Variants in ZPBP observed in about 807,000 individuals in gnomAD.
ZPBP encodes zona pellucida binding protein, also known as zona pellucida-binding protein 1.
ZPBP carries 26 observed loss-of-function variants against 44.8 expected under a neutral mutation model. That is an observed-to-expected ratio of 0.58 (90% CI 0.43 to 0.81). The LOEUF (loss-of-function observed/expected upper bound fraction) is 0.81. Ranked by LOEUF, ZPBP falls within the 30% of genes least tolerant of loss-of-function variation. The pLI is 0.00. For missense variants in ZPBP, 409 were observed against 434.0 expected, an observed-to-expected ratio of 0.94 and a Z score of 0.51; for synonymous variants, 174 against 153.2, an observed-to-expected ratio of 1.14 and a Z score of -1.00.
intron 5 of ZPBP, among the ~76,000 whole-genome samples, chr7:50,020,135 C>T (rs960603688): frequency 6.6e-6 from 1 of 151,602 alleles, no homozygotes; most frequent in Non-Finnish European, 1.5e-5. Context: ...GTATTAATAA[C>T]CTAAGGTACA....
intron 7 of ZPBP, among the ~76,000 whole-genome samples, chr7:49,966,649 A>G (rs1254757426): frequency 6.6e-6 from 1 of 152,224 alleles, no homozygotes; most frequent in Non-Finnish European, 1.5e-5. Context: ...AATGAAAATG[A>G]AAATACAACA....
At chr7:49,968,128 G>A (rs1796137240) in intron 7 of ZPBP, among the ~76,000 whole-genome samples, 1 of 151,730 alleles carries the variant, frequency 6.6e-6, no homozygotes, top group African/African-American at 2.4e-5. Context: ...CAAATGTTCA[G>A]AATTATAACA....
intron 4 of ZPBP, among the ~76,000 whole-genome samples, chr7:50,056,612 G>T (rs1175049644): frequency 1.3e-5 from 2 of 152,208 alleles, no homozygotes; most frequent in Admixed American, 1.3e-4. Flanking sequence ...TCCCACCAGT[G>T]AGATGGAACC....
chr7:49,927,094 C>T (rs879645186), intron 1 of ZPBP, among the ~76,000 whole-genome samples: 20 of 152,188 alleles, frequency 1.3e-4, no homozygotes, highest in Admixed American at 5.2e-4. Flanking sequence ...TTACCAACCC[C>T]GCCTATATTG....
chr7:49,966,874 T>C (rs909300769), intron 7 of ZPBP, among the ~76,000 whole-genome samples: 1 of 152,024 alleles, frequency 6.6e-6, no homozygotes, highest in African/African-American at 2.4e-5. Flanking sequence ...ATGGTGTAAA[T>C]TCCCATGGCA....
At chr7:49,879,376 G>A (rs1239088649) in intron 2 of ZPBP, among the ~76,000 whole-genome samples, 1 of 152,146 alleles carries the variant, frequency 6.6e-6, no homozygotes, top group Non-Finnish European at 1.5e-5. Context: ...TTTAGCAAAT[G>A]TTTGTAGGAA....
At chr7:49,960,249 G>A (rs1044885117) in intron 7 of ZPBP, among the ~76,000 whole-genome samples, 41 of 151,906 alleles carry the variant, frequency 2.7e-4, no homozygotes, top group Admixed American at 7.2e-4. Flanking sequence ...GTGAAAGCTC[G>A]TCTCTACTAA....
At chr7:50,040,410 C>A (rs1800019211) in intron 4 of ZPBP, among the ~76,000 whole-genome samples, 1 of 152,150 alleles carries the variant, frequency 6.6e-6, no homozygotes, top group Admixed American at 6.5e-5. Context: ...GTCTGCAGTT[C>A]CCAGCGAGAT....
At chr7:49,957,803 G>C (rs150106683) in intron 7 of ZPBP, among the ~76,000 whole-genome samples, 66 of 152,260 alleles carry the variant, frequency 4.3e-4, no homozygotes, top group African/African-American at 1.4e-3. Context: ...ATACATAGTA[G>C]AGCCACGAGA....
At chr7:49,907,242 A>C (rs1483075) in intron 1 of ZPBP, among the ~76,000 whole-genome samples, 4,359 of 152,304 alleles carry the variant, frequency 0.029, 232 homozygotes, top group African/African-American at 0.099. Flanking sequence ...AATGATTGAC[A>C]TAATGGCTGG....
At chr7:49,880,327 T>A (rs1583742582) in intron 2 of ZPBP, among the ~76,000 whole-genome samples, 1 of 152,210 alleles carries the variant, frequency 6.6e-6, no homozygotes, top group East Asian at 1.9e-4. Context: ...GATGCTGAAT[T>A]CTATGTATTT....
intron 2 of ZPBP, among the ~76,000 whole-genome samples, chr7:49,881,363 A>G (rs1043981247): frequency 2.0e-5 from 3 of 152,182 alleles, no homozygotes; most frequent in African/African-American, 7.2e-5. Context: ...AATTCAAAAA[A>G]ACAGCACTGA....
the ZPBP span, among the ~76,000 whole-genome samples, chr7:49,844,027 G>C: frequency 3.3e-5 from 5 of 152,208 alleles, no homozygotes; most frequent in Non-Finnish European, 7.3e-5. Flanking sequence ...CATGGAATTG[G>C]CTGGGTGATG....
rs190619768 is a variant in ZPBP at position 49,906,585 on chromosome 7, C to T, written n.412-5370G>A. The stretch of plus-strand genomic sequence containing the variant: ...TCTCCTGACCTCGTGATCCACCCAC[C>T]TTGGCCTCACAAAGTGCTGGGATTA... On this transcript the variant is annotated intron_variant and non_coding_transcript_variant, in intron 1 of 2. Transcript: ENST00000465922. Among the ~76,000 whole-genome samples, 74 of 152,326 alleles carry T rather than the reference C, an allele frequency of 4.9e-4. No individual in the cohort carries two copies. In the East Asian group the frequency reaches 0.01, roughly 21 times the overall value.
At chr7:49,882,864 T>G (rs938792425) in intron 2 of ZPBP, among the ~76,000 whole-genome samples, 12 of 151,902 alleles carry the variant, frequency 7.9e-5, no homozygotes, top group African/African-American at 9.7e-5. Flanking sequence ...TTTTTTTGTT[T>G]TTGTTGTTGT....
Position 49,863,534 on chromosome 7 carries a change from C to T in ZPBP, n.510-13020G>A, listed in dbSNP as rs28818777. On this transcript the variant is annotated intron_variant and non_coding_transcript_variant, in intron 2 of 2. Transcript: ENST00000465922. ...GCAACCTCCACCTCCTGGGCTCAAG[C>T]GATCCTCCTGCCTCAGCCTCCCAAG... 4.6e-3 allele frequency among the ~76,000 whole-genome samples: 698 copies of T among 152,190 alleles called. 3 individuals carry two copies. The highest frequency in any genetic ancestry group is 0.016 in the African/African-American group (658 of 41,510).
At chr7:49,964,841 G>A (rs1184357186) in intron 7 of ZPBP, among the ~76,000 whole-genome samples, 3 of 152,078 alleles carry the variant, frequency 2.0e-5, no homozygotes, top group Admixed American at 2.0e-4. Flanking sequence ...TCATGGGTAT[G>A]GCAGAACTGA....
chr7:49,936,927 T>C (rs933721406), downstream of ZPBP, among the ~76,000 whole-genome samples: 3 of 152,182 alleles, frequency 2.0e-5, no homozygotes, highest in African/African-American at 7.2e-5. Context: ...ATACAATAAT[T>C]ACTCCATTCT....
chr7:50,050,540 C>T (rs1203289627), intron 4 of ZPBP, among the ~76,000 whole-genome samples: 8 of 151,882 alleles, frequency 5.3e-5, no homozygotes, highest in Non-Finnish European at 1.0e-4. Context: ...AGCAACTGAA[C>T]ATCCATATGT....
Sources: gnomAD v4.1 joint callset for allele counts (sites outside exome capture counted in the v4.1 genomes callset) on GRCh38, gnomAD v4.1.1 for gene constraint, MANE v1.5 for transcripts, NCBI Gene and HGNC (gene_info 2026-07-23, HGNC 2026-07-21) for gene names.